ATAD2B: variants seen among roughly 807,000 people sequenced by gnomAD.
The protein encoded by ATAD2B is ATPase family AAA domain-containing protein 2B.
In ATAD2B, 40 loss-of-function variants were observed where a neutral mutation model predicts 167.6. That is an observed-to-expected ratio of 0.24 (90% confidence interval 0.19 to 0.31). The LOEUF (loss-of-function observed/expected upper bound fraction) is 0.31, where lower values mean the gene tolerates loss of function less well. Ranked by LOEUF, ATAD2B falls within the 10% of genes least tolerant of loss-of-function variation. The pLI, the probability that ATAD2B is intolerant of heterozygous loss-of-function variation, is 1.00. For synonymous variants in ATAD2B, 579 were observed against 596.5 expected, an observed-to-expected ratio of 0.97 and a Z score of 0.43; for missense variants, 1,242 against 1,757.2, an observed-to-expected ratio of 0.71 and a Z score of 5.24.
the ATAD2B span, among the ~76,000 whole-genome samples, chr2:23,741,610 A>T: frequency 1.1e-4 from 16 of 152,168 alleles, no homozygotes; most frequent in Non-Finnish European, 1.9e-4. Context: ...CTAGAAGAAA[A>T]CCTAGGCAAT....
chr2:23,711,526 C>G, the ATAD2B span, among the ~76,000 whole-genome samples: 5 of 151,746 alleles, frequency 3.3e-5, no homozygotes. Context: ...CCTGCCACCA[C>G]GTCCAGCTAA....
At chr2:23,785,497 T>C (rs1202499330) in intron 21 of ATAD2B, among the ~76,000 whole-genome samples, 17 of 152,110 alleles carry the variant, frequency 1.1e-4, no homozygotes, top group Admixed American at 1.1e-3. Context: ...AATTTTCCAC[T>C]GGGAGCAGAG....
At chr2:23,727,473 A>G in the ATAD2B span, among the ~76,000 whole-genome samples, 1 of 152,228 alleles carries the variant, frequency 6.6e-6, no homozygotes, top group African/African-American at 2.4e-5. Context: ...AGAATGCAAA[A>G]TAACACAGCA....
At chr2:23,728,118 C>A in the ATAD2B span, among the ~76,000 whole-genome samples, 1 of 151,800 alleles carries the variant, frequency 6.6e-6, no homozygotes, top group Admixed American at 6.6e-5. Context: ...CACACTAATG[C>A]AAGATGTTAA....
At chr2:23,731,173 T>G in the ATAD2B span, among the ~76,000 whole-genome samples, 1 of 152,112 alleles carries the variant, frequency 6.6e-6, no homozygotes, top group Non-Finnish European at 1.5e-5. Flanking sequence ...TAATACCAAA[T>G]TAACTCATCA....
At chr2:23,813,299 CAT>C (rs1349036233) in intron 17 of ATAD2B, among the ~76,000 whole-genome samples, 7 of 49,272 alleles carry the variant, frequency 1.4e-4, no homozygotes, top group Non-Finnish European at 2.1e-4. Context: ...ATTTATAAGT[CAT>C]ATAAATTATG....
rs1704977594 is a variant in ATAD2B at position 23,926,954 on chromosome 2, A to G, written c.-184T>C. 1 of 678,694 alleles carries G rather than the reference A, an allele frequency of 1.5e-6. No individual in the cohort carries two copies. Among genetic ancestry groups the G allele is most frequent in the Non-Finnish European group, 2.3e-6 (1 of 439,372 alleles). 42.0% of individuals were successfully genotyped at this position (678,694 alleles called of 1,614,324 possible). ...CAGAGGAAGGGAAGTCGGCGTGAGC[A>G]GGCGGCGTGCGGGAAGCGGGGGCGG... On this transcript the variant is annotated 5_prime_UTR_variant, in exon 1 of 28. Coordinates refer to ENST00000238789, the MANE Select transcript of ATAD2B (RefSeq NM_017552.4).
At chr2:23,802,650 A>T (rs76181599) in intron 18 of ATAD2B, among the ~76,000 whole-genome samples, 2 of 152,016 alleles carry the variant, frequency 1.3e-5, no homozygotes, top group East Asian at 1.9e-4. Context: ...AAAAAAAAAA[A>T]TTTAAGAAGT....
chr2:23,886,172 C>T (rs1384852082), intron 4 of ATAD2B, among the ~76,000 whole-genome samples: 1 of 152,000 alleles, frequency 6.6e-6, no homozygotes, highest in Non-Finnish European at 1.5e-5. Flanking sequence ...TCTTGAACTC[C>T]TGGGCTCAAG....
chr2:23,784,577 T>C (rs1680529831), intron 21 of ATAD2B, among the ~76,000 whole-genome samples: 1 of 151,838 alleles, frequency 6.6e-6, no homozygotes, highest in African/African-American at 2.4e-5. Context: ...AAGAAAAGAG[T>C]TTTCCTGAGC....
At position 23,926,628 on chromosome 2, in the gene ATAD2B, G is replaced by C; in HGVS notation, c.143C>G (p.Thr48Ser). The C allele has an allele frequency of 6.4e-7, 1 of 1,564,876 alleles. No homozygotes were observed. The highest frequency in any genetic ancestry group is 8.7e-7 in the Non-Finnish European group (1 of 1,155,930). ...FISSRTRSSKTRAASCPAAKA... is the reference protein window; with the variant it reads ...FISSRTRSSKSRAASCPAAKA... ...GGCGGCGGGGCAGCTGGCGGCGCGG[G>C]TCTTGGAGGAGCGGGTCCGAGAGGA... The change falls in exon 1 of 28, where the codon ACC becomes AGC. Residue 48 changes from threonine (T) to serine (S), a missense_variant. Transcript: ENST00000238789.
At chr2:23,864,703 C>T (rs940105259) in intron 11 of ATAD2B, 106 bp downstream of exon 11, 25 of 533,640 alleles carry the variant, frequency 4.7e-5, no homozygotes, top group Non-Finnish European at 7.9e-5. Flanking sequence ...TGCTAGGACA[C>T]GTCAAATAAA....
rs368443895 is a variant in ATAD2B at position 23,754,371 on chromosome 2, T to C, written c.4207-64A>G. The C allele has an allele frequency of 3.1e-5, 44 of 1,441,090 alleles. No homozygotes were observed. In the African/African-American group the frequency reaches 5.9e-4, roughly 19 times the overall value. The allele number at this position is 1,441,090 out of a possible 1,614,324, so 89.3% of individuals were successfully genotyped here. On this transcript the variant is annotated intron_variant, in intron 26 of 27. Transcript: ENST00000238789. ...TCACTGGTCAAACTGAAATTGTATA[T>C]TCAAATGGCTAGTCAATAAACACCA...
the ATAD2B span, among the ~76,000 whole-genome samples, chr2:23,683,900 A>C: frequency 2.6e-5 from 4 of 152,112 alleles, no homozygotes; most frequent in Non-Finnish European, 5.9e-5. Flanking sequence ...GTGAGTGTCT[A>C]ACATAAGGGA....
At chr2:23,803,000 CCTCT>C (rs1187402643) in intron 18 of ATAD2B, among the ~76,000 whole-genome samples, 4 of 152,042 alleles carry the variant, frequency 2.6e-5, no homozygotes, top group Non-Finnish European at 4.4e-5. Context: ...TTGAATGAAA[CCTCT>C]CTAATAATTA....
intron 8 of ATAD2B, among the ~76,000 whole-genome samples, chr2:23,875,169 A>G (rs1193882428): frequency 1.3e-5 from 2 of 152,132 alleles, no homozygotes; most frequent in Admixed American, 6.6e-5. Context: ...AAGAGACCAA[A>G]GAGCTGTGTA....
downstream of ATAD2B, among the ~76,000 whole-genome samples, chr2:23,745,368 A>AGAAGGAAGGAAGGAAGGAAGGAAGGAAG (rs767435573): frequency 2.5e-3 from 131 of 52,912 alleles, 2 homozygotes; most frequent in East Asian, 4.7e-3. Context: ...AAGGAAGGAA[A>AGAAGGAAGGAAGGAAGGAAGGAAGGAAG]GAAGGAAGGA....
At chr2:23,910,928 T>C (rs1702203748) in intron 1 of ATAD2B, among the ~76,000 whole-genome samples, 1 of 151,376 alleles carries the variant, frequency 6.6e-6, no homozygotes, top group Non-Finnish European at 1.5e-5. Flanking sequence ...AAAGAGTCTG[T>C]AGTTAAAGGT....
downstream of ATAD2B, among the ~76,000 whole-genome samples, chr2:23,745,283 C>CAGCA (rs1038545986): frequency 4.0e-5 from 6 of 150,768 alleles, no homozygotes; most frequent in African/African-American, 1.5e-4. Context: ...CCAGACTCCA[C>CAGCA]AGCAAGCAAG....
Sources: allele counts gnomAD v4.1 joint callset (sites outside exome capture counted in the v4.1 genomes callset), GRCh38; gene constraint gnomAD v4.1.1; transcripts MANE v1.5; gene names NCBI Gene and HGNC (gene_info 2026-07-23, HGNC 2026-07-21).